Variants in ANKFN1 observed in about 807,000 individuals in gnomAD.
The protein encoded by ANKFN1 is ankyrin repeat and fibronectin type III domain containing 1.
In ANKFN1, 74 loss-of-function variants were observed where a neutral mutation model predicts 108.7. The ratio of observed to expected loss-of-function variants is 0.68; its 90% CI spans 0.56 to 0.83. The LOEUF is 0.83. Among genes scored for constraint, ANKFN1 ranks in the 40% least tolerant of loss-of-function variants. The pLI, the probability that ANKFN1 is intolerant of heterozygous loss-of-function variation, is 0.00. For missense variants in ANKFN1, 1,505 were observed against 1,382.3 expected, an observed-to-expected ratio of 1.09 and a Z score of -1.41; for synonymous variants, 547 against 516.2, an observed-to-expected ratio of 1.06 and a Z score of -0.81.
chr17:56,079,607 T>C (rs989917579), intron 4 of ANKFN1, among the ~76,000 whole-genome samples: 1 of 152,152 alleles, frequency 6.6e-6, no homozygotes, highest in Middle Eastern at 3.2e-3. Flanking sequence ...AGATTAGACA[T>C]TGTCTAAGAC....
chr17:56,061,271 T>TC (rs1904971546), intron 4 of ANKFN1, among the ~76,000 whole-genome samples: 3 of 131,262 alleles, frequency 2.3e-5, no homozygotes, highest in Admixed American at 7.5e-5. Context: ...TTTTCTTTTT[T>TC]TTTTTTTTTT....
At chr17:56,097,784 G>C (rs1351667761) in intron 4 of ANKFN1, among the ~76,000 whole-genome samples, 2 of 152,186 alleles carry the variant, frequency 1.3e-5, no homozygotes, top group African/African-American at 2.4e-5. Context: ...TATCAGGCAA[G>C]GTATGCTGGT....
chr17:56,492,407 A>T (rs1208614914), intron 19 of ANKFN1, 54 bp downstream of exon 19: 5 of 687,122 alleles, frequency 7.3e-6, no homozygotes, highest in Admixed American at 6.0e-5. Context: ...CAGGGTGGAA[A>T]GGGTGAAAAG....
At position 56,384,168 on chromosome 17, in the gene ANKFN1, C is replaced by T. The variant is rs533517529; in HGVS notation, c.910+9454C>T. 3.9e-3 allele frequency among the ~76,000 whole-genome samples: 590 copies of T among 152,208 alleles called. 7 individuals carry two copies. Among genetic ancestry groups the T allele is most frequent in the Admixed American group, 0.012 (187 of 15,272 alleles). ...CTTCATCCCTGGGATGCAAGGCTGG[C>T]TCAATATACGCAAATCAATAAATGT... On this transcript the variant is annotated intron_variant, in intron 8 of 20. Coordinates refer to ENST00000682825, the MANE Select transcript of ANKFN1 (RefSeq NM_001370326.1).
At position 56,515,419 on chromosome 17, in the gene ANKFN1, C is replaced by T. The variant is rs866692074; in HGVS notation, c.*4150C>T. Among the ~76,000 whole-genome samples, 13 of 152,060 alleles carry T rather than the reference C, an allele frequency of 8.5e-5. No individual in the cohort carries two copies. The highest frequency in any genetic ancestry group is 5.9e-4 in the Admixed American group (9 of 15,258). On this transcript the variant is annotated 3_prime_UTR_variant, in exon 21 of 21. Coordinates refer to ENST00000682825, the MANE Select transcript of ANKFN1 (RefSeq NM_001370326.1). ...AAACCTGGACTTTTTTCTTCAAGGTCGTATCTTCAAGGAAATTTTTAAAAT... is the reference window on the plus strand; with the variant it reads ...AAACCTGGACTTTTTTCTTCAAGGTTGTATCTTCAAGGAAATTTTTAAAAT...
At chr17:56,466,605 T>C in intron 15 of ANKFN1, 34 bp downstream of exon 15, 1 of 1,546,004 alleles carries the variant, frequency 6.5e-7, no homozygotes, top group Non-Finnish European at 8.8e-7. Context: ...CCGGGTATAC[T>C]TAAGGTTCCA....
rs761621527 is a variant in ANKFN1 at position 56,212,607 on chromosome 17, G to C, written c.-61G>C. On this transcript the variant is annotated 5_prime_UTR_variant, in exon 2 of 21. Coordinates refer to ENST00000682825, the MANE Select transcript of ANKFN1 (RefSeq NM_001370326.1). Reference sequence around the variant, plus strand: ...CTCTCTTTTGGAATAGTGCCAATAGGATAAGAAATAAGCTGTATGAAGAAA... The same window carrying C: ...CTCTCTTTTGGAATAGTGCCAATAGCATAAGAAATAAGCTGTATGAAGAAA... Among the ~76,000 whole-genome samples the C allele has an allele frequency of 6.6e-5, 10 of 152,170 alleles. No homozygotes were observed. The highest frequency in any genetic ancestry group is 4.6e-4 in the Admixed American group (7 of 15,280).
chr17:56,173,911 G>A (rs1476959288), intron 1 of ANKFN1, among the ~76,000 whole-genome samples: 1 of 152,220 alleles, frequency 6.6e-6, no homozygotes, highest in Non-Finnish European at 1.5e-5. Context: ...GAGACCCACT[G>A]ATCCCAAATA....
At chr17:56,446,791 G>T (rs2049308527) in intron 10 of ANKFN1, among the ~76,000 whole-genome samples, 1 of 151,960 alleles carries the variant, frequency 6.6e-6, no homozygotes, top group Admixed American at 6.6e-5. Context: ...GTGGTCCCCA[G>T]CTACTAGGGA....
intron 3 of ANKFN1, among the ~76,000 whole-genome samples, chr17:56,288,173 A>G (rs943314386): frequency 5.3e-5 from 8 of 152,210 alleles, no homozygotes; most frequent in African/African-American, 1.9e-4. Flanking sequence ...AAAAAGATAT[A>G]CAGAAAAGTC....
intron 8 of ANKFN1, among the ~76,000 whole-genome samples, chr17:56,384,150 C>A (rs1263926217): frequency 6.6e-6 from 1 of 152,174 alleles, no homozygotes; most frequent in Non-Finnish European, 1.5e-5. Context: ...GGGCTTCATC[C>A]CTGGGATGCA....
intron 8 of ANKFN1, among the ~76,000 whole-genome samples, chr17:56,382,024 G>T (rs1173478179): frequency 6.6e-6 from 1 of 152,068 alleles, no homozygotes; most frequent in African/African-American, 2.4e-5. Flanking sequence ...AAATGTTAAG[G>T]GCAGCCAAAG....
At chr17:56,205,244 A>T (rs982558513) in intron 1 of ANKFN1, among the ~76,000 whole-genome samples, 1 of 152,226 alleles carries the variant, frequency 6.6e-6, no homozygotes, top group Non-Finnish European at 1.5e-5. Flanking sequence ...GTGACTACCC[A>T]GTCTTGTTCC....
At chr17:56,385,698 T>G (rs1468977901) in intron 8 of ANKFN1, among the ~76,000 whole-genome samples, 1 of 152,110 alleles carries the variant, frequency 6.6e-6, no homozygotes, top group African/African-American at 2.4e-5. Context: ...GACATTTATG[T>G]AGCCAAAAAA....
At chr17:56,132,382 C>T (rs935798293) in intron 4 of ANKFN1, among the ~76,000 whole-genome samples, 18 of 151,866 alleles carry the variant, frequency 1.2e-4, no homozygotes, top group Non-Finnish European at 2.1e-4. Context: ...TATGTGGCCA[C>T]CTGCTCTCAG....
chr17:56,433,840 A>AAC (rs1243086375), intron 8 of ANKFN1, among the ~76,000 whole-genome samples: 1 of 152,060 alleles, frequency 6.6e-6, no homozygotes, highest in Non-Finnish European at 1.5e-5. Context: ...TAAAAAAAAA[A>AAC]AAACTGTAAC....
chr17:56,058,328 G>A (rs1313679708), intron 4 of ANKFN1, among the ~76,000 whole-genome samples: 2 of 152,226 alleles, frequency 1.3e-5, no homozygotes, highest in Admixed American at 6.5e-5. Flanking sequence ...CCACCTTCAT[G>A]AATAATCTTA....
At chr17:56,306,221 A>G (rs937919668) in intron 3 of ANKFN1, among the ~76,000 whole-genome samples, 1 of 152,234 alleles carries the variant, frequency 6.6e-6, no homozygotes, top group Non-Finnish European at 1.5e-5. Flanking sequence ...GAAGAATTGT[A>G]TTAAATGTAT....
At chr17:56,162,839 C>A (rs1909786694) in intron 1 of ANKFN1, among the ~76,000 whole-genome samples, 1 of 152,024 alleles carries the variant, frequency 6.6e-6, no homozygotes, top group Non-Finnish European at 1.5e-5. Flanking sequence ...AGTTTGAGAC[C>A]AGCCTAGCCA....
Sources: gnomAD v4.1 joint callset for allele counts (sites outside exome capture counted in the v4.1 genomes callset) on GRCh38, gnomAD v4.1.1 for gene constraint, MANE v1.5 for transcripts, NCBI Gene and HGNC (gene_info 2026-07-23, HGNC 2026-07-21) for gene names.